Variants in PDE1C observed in about 807,000 individuals in gnomAD.
PDE1C encodes the protein dual specificity calcium/calmodulin-dependent 3',5'-cyclic nucleotide phosphodiesterase 1C.
Under a neutral mutation model 93.1 loss-of-function variants are expected in PDE1C, and 62 were observed. That is an observed-to-expected ratio of 0.67 (90% CI 0.54 to 0.82). The LOEUF (loss-of-function observed/expected upper bound fraction) is 0.82, where lower values mean the gene tolerates loss of function less well. Among genes scored for constraint, PDE1C ranks in the 40% least tolerant of loss-of-function variants. The pLI, the probability that PDE1C is intolerant of heterozygous loss-of-function variation, is 0.00. For missense variants in PDE1C, 742 were observed against 884.6 expected (o/e 0.84, Z 2.04); for synonymous variants, 325 against 310.1 (o/e 1.05, Z -0.50).
intron 2 of PDE1C, among the ~76,000 whole-genome samples, chr7:32,048,931 G>A (rs763028653): frequency 5.3e-5 from 8 of 152,196 alleles, no homozygotes; most frequent in South Asian, 2.1e-4. Context: ...CGTCAGATAT[G>A]CAAAAAACAC....
At chr7:31,626,713 C>T in the PDE1C span, among the ~76,000 whole-genome samples, 1 of 152,148 alleles carries the variant, frequency 6.6e-6, no homozygotes, top group Non-Finnish European at 1.5e-5. Flanking sequence ...TGCCCCAAAA[C>T]TCTTGTTGTG....
chr7:32,116,902 C>T (rs573435578), intron 3 of PDE1C, among the ~76,000 whole-genome samples: 1 of 152,324 alleles, frequency 6.6e-6, no homozygotes, highest in East Asian at 1.9e-4. Flanking sequence ...ATCTACAGCA[C>T]CCTATAGACC....
chr7:32,094,861 G>T (rs915549393), intron 3 of PDE1C, among the ~76,000 whole-genome samples: 3 of 152,102 alleles, frequency 2.0e-5, no homozygotes, highest in Non-Finnish European at 4.4e-5. Flanking sequence ...CTCCTCACCA[G>T]CCCTGCAAAC....
chr7:32,246,484 T>C (rs964832868), intron 1 of PDE1C, among the ~76,000 whole-genome samples: 2 of 126,382 alleles, frequency 1.6e-5, no homozygotes, highest in African/African-American at 3.2e-5. Context: ...CAGCCCTAAC[T>C]AGCTACTGGC....
the PDE1C span, among the ~76,000 whole-genome samples, chr7:31,683,579 CCTCT>C: frequency 6.6e-6 from 1 of 152,222 alleles, no homozygotes; most frequent in East Asian, 1.9e-4. Context: ...AGCTCACTCT[CCTCT>C]CTAAGAGGCT....
intron 2 of PDE1C, among the ~76,000 whole-genome samples, chr7:32,002,555 A>G (rs990256958): frequency 2.7e-5 from 4 of 149,782 alleles, no homozygotes; most frequent in Non-Finnish European, 6.0e-5. Context: ...TAATTAGAAC[A>G]GCGCCTGACA....
At chr7:31,765,197 G>C (rs2128614327) in intron 17 of PDE1C, among the ~76,000 whole-genome samples, 1 of 152,244 alleles carries the variant, frequency 6.6e-6, no homozygotes, top group South Asian at 2.1e-4. Flanking sequence ...AATGAGGCTG[G>C]AAAAATCGGC....
intron 3 of PDE1C, among the ~76,000 whole-genome samples, chr7:31,879,558 T>C (rs1471925772): frequency 6.6e-6 from 1 of 152,204 alleles, no homozygotes; most frequent in African/African-American, 2.4e-5. Context: ...AAAATATAAA[T>C]GGATACTTAA....
chr7:32,223,743 C>T (rs561368879), intron 1 of PDE1C, among the ~76,000 whole-genome samples: 2 of 152,278 alleles, frequency 1.3e-5, no homozygotes, highest in African/African-American at 4.8e-5. Context: ...TGGCACAAGC[C>T]CCCCTCATCA....
chr7:31,691,167 A>G, the PDE1C span, among the ~76,000 whole-genome samples: 1 of 152,178 alleles, frequency 6.6e-6, no homozygotes, highest in East Asian at 1.9e-4. Flanking sequence ...GTGACTCTAA[A>G]AGCTGTGCTC....
chr7:32,095,360 C>A (rs1285818934), intron 3 of PDE1C, among the ~76,000 whole-genome samples: 5 of 152,178 alleles, frequency 3.3e-5, no homozygotes, highest in Non-Finnish European at 7.3e-5. Flanking sequence ...ACAGGCAGAT[C>A]CAGCACCCTT....
intron 9 of PDE1C, among the ~76,000 whole-genome samples, chr7:31,842,775 T>G (rs1015946493): frequency 6.6e-6 from 1 of 151,954 alleles, no homozygotes; most frequent in Non-Finnish European, 1.5e-5. Context: ...CATTACTAAT[T>G]TCTTCTATCT....
chr7:32,087,707 T>G (rs1466509453), intron 3 of PDE1C, among the ~76,000 whole-genome samples: 2 of 152,110 alleles, frequency 1.3e-5, no homozygotes, highest in African/African-American at 4.8e-5. Context: ...TGTAGGGACA[T>G]GGATGAAATT....
At chr7:31,875,790 C>CATCTATATAT (rs1796473790) in intron 5 of PDE1C, among the ~76,000 whole-genome samples, 2 of 24,148 alleles carry the variant, frequency 8.3e-5, no homozygotes, top group African/African-American at 3.4e-4. Context: ...TAGAAGCTTA[C>CATCTATATAT]ATCTATATAT....
At chr7:32,174,044 G>GT (rs1554280003) in intron 2 of PDE1C, among the ~76,000 whole-genome samples, 1 of 151,930 alleles carries the variant, frequency 6.6e-6, no homozygotes, top group Non-Finnish European at 1.5e-5. Context: ...AGCTTTTTTT[G>GT]TTTTTTAAGG....
At chr7:31,670,619 C>T in the PDE1C span, among the ~76,000 whole-genome samples, 1 of 152,100 alleles carries the variant, frequency 6.6e-6, no homozygotes, top group Non-Finnish European at 1.5e-5. Context: ...GAACTTTAAG[C>T]TCAAGTCCTG....
chr7:31,729,921 T>C, the PDE1C span, among the ~76,000 whole-genome samples: 44 of 152,248 alleles, frequency 2.9e-4, 1 homozygote, highest in Middle Eastern at 6.8e-3. Flanking sequence ...GGACACGTGG[T>C]ATAACAGGGA....
chr7:32,192,217 T>C (rs1313748567), intron 2 of PDE1C, among the ~76,000 whole-genome samples: 7 of 152,214 alleles, frequency 4.6e-5, no homozygotes, highest in Admixed American at 2.0e-4. Flanking sequence ...TTAATGTTGA[T>C]GAAGCCCAAT....
At chr7:32,422,621 G>T (rs116842917) in intron 1 of PDE1C, among the ~76,000 whole-genome samples, 2,843 of 152,138 alleles carry the variant, frequency 0.019, 97 homozygotes, top group East Asian at 0.11. Context: ...ATTCACTTAG[G>T]ATAATGGCCT....
Sources: allele counts gnomAD v4.1 joint callset (sites outside exome capture counted in the v4.1 genomes callset), GRCh38; gene constraint gnomAD v4.1.1; transcripts MANE v1.5; gene names NCBI Gene and HGNC (gene_info 2026-07-23, HGNC 2026-07-21).